The following PROM2 variants were observed in gnomAD, a reference collection of about 807,000 sequenced individuals.
PROM2 encodes the protein prominin-2.
Under a neutral mutation model 110.2 loss-of-function variants are expected in PROM2, and 90 were observed. The ratio of observed to expected loss-of-function variants is 0.82; its 90% confidence interval spans 0.69 to 0.97. The LOEUF (loss-of-function observed/expected upper bound fraction) is 0.97. Ranked by LOEUF, PROM2 falls within the 50% of genes least tolerant of loss-of-function variation. PROM2 has a pLI of 0.00. For missense variants in PROM2, 1,009 were observed against 1,074.8 expected (o/e 0.94, Z 0.86); for synonymous variants, 470 against 467.8 (o/e 1.00, Z -0.06).
chr2:95,285,587 G>C, intron 15 of PROM2, 52 bp from the exon 16 acceptor site: 1 of 1,484,632 alleles, frequency 6.7e-7, no homozygotes, highest in Non-Finnish European at 9.2e-7. Flanking sequence ...GGTGGTGGTG[G>C]GCCCCAGGGG....
chr2:95,280,482 A>T (rs1190838549), intron 11 of PROM2, among the ~76,000 whole-genome samples: 1 of 152,168 alleles, frequency 6.6e-6, no homozygotes, highest in Non-Finnish European at 1.5e-5. Context: ...CCCTGGTCTA[A>T]GATCTTTACT....
At chr2:95,281,650 G>A (rs1194506271) in intron 12 of PROM2, among the ~76,000 whole-genome samples, 1 of 152,150 alleles carries the variant, frequency 6.6e-6, no homozygotes, top group African/African-American at 2.4e-5. Context: ...TCTGGGAGCT[G>A]GGACCCTGGT....
At position 95,289,334 on chromosome 2, in the gene PROM2, C is replaced by A; in HGVS notation, c.*121C>A. The A allele has an allele frequency of 2.8e-6, 1 of 353,352 alleles. No individual in the cohort carries two copies. The highest frequency in any genetic ancestry group is 5.3e-6 in the Non-Finnish European group (1 of 189,522). 21.9% of individuals were successfully genotyped at this position (353,352 alleles called of 1,614,324 possible). On this transcript the variant is annotated 3_prime_UTR_variant, in exon 24 of 24. Coordinates refer to ENST00000317620, the MANE Select transcript of PROM2 (RefSeq NM_001165978.3). The stretch of plus-strand genomic sequence containing the variant: ...GCTGGCATCCAGGCCTGGACTGTCC[C>A]CAGTTCCGGCTTACCTGGCCCCACC...
chr2:95,289,419 C>T lies in PROM2; in HGVS notation c.*206C>T, dbSNP rs528063754. On this transcript the variant is annotated 3_prime_UTR_variant, in exon 24 of 24. Transcript: ENST00000317620. ...CCCCCATCATTCACGCTCAGAATCA[C>T]ATGGGACTTCTGTGCAGCTGCAGAG... 13 of 214,354 alleles carry T rather than the reference C, an allele frequency of 6.1e-5. No individual in the cohort carries two copies. The South Asian group carries it at 9.5e-4, about 16-fold the overall frequency. 13.3% of individuals were successfully genotyped at this position (214,354 alleles called of 1,614,324 possible). A position where few individuals can be genotyped will look rare whatever the true frequency, so the allele number is the denominator to read the frequency against.
Position 95,287,186 on chromosome 2 carries a change from T to C in PROM2, c.2148T>C (p.Pro716=), listed in dbSNP as rs554197953. The C allele has an allele frequency of 6.2e-7, 1 of 1,613,918 alleles. No individual in the cohort carries two copies. The highest frequency in any genetic ancestry group is 1.7e-5 in the Admixed American group (1 of 60,018). Residue 716 remains proline (P), a synonymous_variant, in exon 19 of 24, where the codon CCT becomes CCC. Transcript: ENST00000317620. The part of the protein sequence containing the change: ...ANVTYLKGEL[P]AWAARILRNV... ...TCACCTACCTGAAAGGAGAGCTGCC[T>C]GCCTGGGCAGCCAGGATCCTGAGGA...
At position 95,289,296 on chromosome 2, in the gene PROM2, C is replaced by G. The variant is rs576212189; in HGVS notation, c.*83C>G. On this transcript the variant is annotated 3_prime_UTR_variant, in exon 24 of 24. Coordinates refer to ENST00000317620, the MANE Select transcript of PROM2 (RefSeq NM_001165978.3). ...GGCCACAGGACTTCGGTAGCTCTTG[C>G]CCCAGAGCCCAGGCTGGCATCCAGG... is the stretch of plus-strand genomic sequence containing the variant. 7.2e-4 allele frequency: 333 copies of G among 464,852 alleles called. 1 individual carries two copies. Among genetic ancestry groups the G allele is most frequent in the Non-Finnish European group, 1.1e-3 (282 of 251,452 alleles). The allele number at this position is 464,852 out of a possible 1,614,324, so 28.8% of individuals were successfully genotyped here.
rs1179548168 is a variant in PROM2 at position 95,274,473 on chromosome 2, C to T, written c.-113C>T. 8.1e-6 allele frequency: 11 copies of T among 1,365,712 alleles called. No individual in the cohort carries two copies. Among genetic ancestry groups the T allele is most frequent in the Admixed American group, 2.7e-5 (1 of 36,548 alleles). The allele number at this position is 1,365,712 out of a possible 1,614,324, so 84.6% of individuals were successfully genotyped here. On this transcript the variant is annotated 5_prime_UTR_variant, in exon 1 of 24. Coordinates refer to ENST00000317620, the MANE Select transcript of PROM2 (RefSeq NM_001165978.3). ...AGGTAGCTCAGGAACCCAAACCTGTCGGGCAGGTTTTGAGAGCTGTGGAGA... is the reference window on the plus strand; with the variant it reads ...AGGTAGCTCAGGAACCCAAACCTGTTGGGCAGGTTTTGAGAGCTGTGGAGA...
At chr2:95,280,846 T>C (rs1252866397) in intron 11 of PROM2, among the ~76,000 whole-genome samples, 1 of 152,188 alleles carries the variant, frequency 6.6e-6, no homozygotes, top group Non-Finnish European at 1.5e-5. Flanking sequence ...GTCTCACTTA[T>C]TGCCCTGGCT....
intron 19 of PROM2, 45 bp downstream of exon 19, chr2:95,287,258 C>T (rs1246375180): frequency 1.3e-6 from 2 of 1,599,816 alleles, no homozygotes; most frequent in Non-Finnish European, 8.6e-7. Context: ...CCCCAGGCTT[C>T]TCCAGTCCCA....
rs940805063 is a variant in PROM2, at chr2:95,279,901, T to C, written c.1331T>C (p.Leu444Pro). 10 of 1,560,830 alleles carry C rather than the reference T, an allele frequency of 6.4e-6. No homozygotes were observed. Among genetic ancestry groups the C allele is most frequent in the Non-Finnish European group, 8.7e-6 (10 of 1,151,588 alleles). Residue 444 changes from leucine to proline, a missense_variant, in exon 11 of 24, where the codon CTG (leucine) becomes CCG (proline). Physicochemically the swap from Leu to Pro is moderately conservative, Grantham distance 98 (BLOSUM62 -3). Coordinates refer to ENST00000317620, the MANE Select transcript of PROM2 (RefSeq NM_001165978.3). ...GTCCTATTCGTGGTGCTCTGCAACCTGCTGGGCCTCAATCTGGGCATCTGG... is the reference window on the plus strand; with the variant it reads ...GTCCTATTCGTGGTGCTCTGCAACCCGCTGGGCCTCAATCTGGGCATCTGG... ...SVVLFVVLCNLLGLNLGIWGL... is the reference protein window; with the variant it reads ...SVVLFVVLCNPLGLNLGIWGL...
In PROM2 at chr2:95,277,935, C is replaced by T. The variant is rs1441833423; in HGVS notation, c.981C>T (p.Pro327=). 7 of 1,612,162 alleles carry T rather than the reference C, an allele frequency of 4.3e-6. No homozygotes were observed. In the South Asian group the frequency reaches 6.6e-5, roughly 15 times the overall value. The change falls in exon 8 of 24, where the codon CCC becomes CCT. Residue 327 remains proline, a synonymous_variant. Transcript: ENST00000317620. ...LELGADFSQV[P]SVDHVLHQLK... is the part of the protein sequence containing the mutation. ...CCCACCTTCCCCCATTTCAGGTGCCCTCTGTGGACCATGTCCTGCACCAGC... is the reference window on the plus strand; with the variant it reads ...CCCACCTTCCCCCATTTCAGGTGCCTTCTGTGGACCATGTCCTGCACCAGC...
In PROM2 at chr2:95,275,839, C is replaced by T. The variant is rs1676611099; in HGVS notation, c.295-91C>T. 2 of 1,534,480 alleles carry T rather than the reference C, an allele frequency of 1.3e-6. No homozygotes were observed. Among genetic ancestry groups the T allele is most frequent in the Non-Finnish European group, 1.7e-6 (2 of 1,144,248 alleles). ...GCAGGCCATGCCCCTGACGGCACTC[C>T]CGCCCCTTCTGGTTTCCCTCTGGAC... On this transcript the variant is annotated intron_variant, in intron 2 of 23. Transcript: ENST00000317620. This position sits in a 1 kb window ranked among gnomAD's most constrained non-coding sequence, Gnocchi z 4.4.
chr2:95,275,902 C>T lies in PROM2; in HGVS notation c.295-28C>T, dbSNP rs80331240. 6.3e-7 allele frequency: 1 copy of T among 1,592,924 alleles called. No homozygotes were observed. Among genetic ancestry groups the T allele is most frequent in the Non-Finnish European group, 8.5e-7 (1 of 1,171,752 alleles). ...CAGGGCTGGGCAGTGGGGGTCGGGT[C>T]ACCCCTCATGCCCTGCTGCCTGCCC... On this transcript the variant is annotated intron_variant, in intron 2 of 23. Transcript: ENST00000317620. The surrounding 1 kb of genome is among the most constrained non-coding windows in gnomAD (Gnocchi z 4.4).
intron 7 of PROM2, 76 bp downstream of exon 7, chr2:95,277,642 C>A: frequency 7.3e-7 from 1 of 1,364,034 alleles, no homozygotes; most frequent in Non-Finnish European, 9.8e-7. Flanking sequence ...TGGCAAATTC[C>A]CAGTCCCCTT....
intron 8 of PROM2, 51 bp downstream of exon 8, chr2:95,278,055 C>G: frequency 6.9e-7 from 1 of 1,448,626 alleles, no homozygotes; most frequent in Non-Finnish European, 9.6e-7. Context: ...CAAGTGAGGG[C>G]CTCTGTTTCC....
At chr2:95,280,289 T>C (rs1469077384) in intron 11 of PROM2, among the ~76,000 whole-genome samples, 1 of 152,164 alleles carries the variant, frequency 6.6e-6, no homozygotes, top group Non-Finnish European at 1.5e-5. Context: ...TGGAATCTGT[T>C]TGCCAACCCC....
chr2:95,278,068 C>A, intron 8 of PROM2, 64 bp downstream of exon 8: 1 of 1,419,934 alleles, frequency 7.0e-7, no homozygotes, highest in Non-Finnish European at 9.8e-7. Flanking sequence ...CTGTTTCCCC[C>A]TTTTGGGCAG....
At chr2:95,283,038 C>A (rs561868620) in intron 14 of PROM2, among the ~76,000 whole-genome samples, 1 of 152,334 alleles carries the variant, frequency 6.6e-6, no homozygotes, top group East Asian at 1.9e-4. Flanking sequence ...GCCGGATGGC[C>A]CAGCCCCAAC....
Position 95,278,934 on chromosome 2 carries a change from T to C in PROM2, c.1115-51T>C, listed in dbSNP as rs762532850. On this transcript the variant is annotated intron_variant, in intron 9 of 23. Transcript: ENST00000317620. ...TCTTCCTGCCCGCTTGTCTTGTTCCTGGGCCCCAGGGTGCCCTCCGCATCC... is the reference window on the plus strand; with the variant it reads ...TCTTCCTGCCCGCTTGTCTTGTTCCCGGGCCCCAGGGTGCCCTCCGCATCC... The C allele has an allele frequency of 5.0e-6, 8 of 1,599,158 alleles. No homozygotes were observed. The South Asian group carries it at 9.0e-5, about 18-fold the overall frequency.
Sources: gnomAD v4.1 joint callset for allele counts (sites outside exome capture counted in the v4.1 genomes callset) on GRCh38, gnomAD v4.1.1 for gene constraint, Gnocchi (gnomAD v3.1) non-coding constraint, MANE v1.5 for transcripts, NCBI Gene and HGNC (gene_info 2026-07-23, HGNC 2026-07-21) for gene names.